MUC5B: variants seen among roughly 807,000 people sequenced by gnomAD.
MUC5B encodes mucin-5B.
Under a neutral mutation model 376.9 loss-of-function variants are expected in MUC5B, and 116 were observed. The ratio of observed to expected loss-of-function variants is 0.31; its 90% CI spans 0.26 to 0.36. The LOEUF (loss-of-function observed/expected upper bound fraction) is 0.36. MUC5B is among the 10% of genes least tolerant of loss of function. The pLI is 1.00. For synonymous variants in MUC5B, 3,517 were observed against 3,390.9 expected (o/e 1.04, Z -1.29); for missense variants, 7,165 against 7,769.9 (o/e 0.92, Z 2.93).
Position 1,245,918 on chromosome 11 carries a change from C to G in MUC5B, c.9038C>G (p.Ser3013Cys), listed in dbSNP as rs1862445197. The G allele has an allele frequency of 1.9e-6, 3 of 1,613,168 alleles. No homozygotes were observed. The highest frequency in any genetic ancestry group is 2.5e-6 in the Non-Finnish European group (3 of 1,179,726). Residue 3013 changes from serine (S) to cysteine (C), a missense_variant, in exon 31 of 49, where the codon TCC becomes TGC. Around this residue, in one of 31 missense-constraint regions of MUC5B, gnomAD observed 939 missense variants for 770.6 expected, o/e 1.22. Coordinates refer to ENST00000529681, the MANE Select transcript of MUC5B (RefSeq NM_002458.3). Reference sequence around the variant, plus strand: ...ACCACTGGATCCACGGCCATCCCGTCCTCCACCCCGGGAACAGCTCCCCCT... The same window carrying G: ...ACCACTGGATCCACGGCCATCCCGTGCTCCACCCCGGGAACAGCTCCCCCT... ...TATTGSTAIP[S>C]STPGTAPPPK...
chr11:1,239,787 T>C lies in MUC5B; in HGVS notation c.3584-12T>C. ...GCCCTGGTGAGTCTTCTGCTCACCC[T>C]GCCGGCCCTAGGCTGCTACCCGAAG... On this transcript the variant is annotated splice_polypyrimidine_tract_variant and intron_variant, in intron 27 of 48. Coordinates refer to ENST00000529681, the MANE Select transcript of MUC5B (RefSeq NM_002458.3). 1 of 1,606,328 alleles carries C rather than the reference T, an allele frequency of 6.2e-7. No homozygotes were observed. The highest frequency in any genetic ancestry group is 8.5e-7 in the Non-Finnish European group (1 of 1,176,938).
chr11:1,246,189 C>G lies in MUC5B; in HGVS notation c.9309C>G (p.Thr3103=), dbSNP rs753209386. The G allele has an allele frequency of 6.2e-7, 1 of 1,613,102 alleles. No individual in the cohort carries two copies. The part of the protein sequence containing the change: ...TIHPSSTPET[T]HTSTVLTTKA... ...ACCCCTCCTCCACTCCGGAGACCAC[C>G]CACACCTCCACAGTGCTGACCACGA... Residue 3103 remains threonine, a synonymous_variant, in exon 31 of 49, where the codon ACC becomes ACG. Transcript: ENST00000529681.
At position 1,240,383 on chromosome 11, in the gene MUC5B, C is replaced by T. The variant is rs1037515023; in HGVS notation, c.3970+8C>T. ...TCCCCCACTCCACGACAAGTAAGCCCTGCCTGGCTCTCCTGAGGCCCAGTA... is the reference window on the plus strand; with the variant it reads ...TCCCCCACTCCACGACAAGTAAGCCTTGCCTGGCTCTCCTGAGGCCCAGTA... On this transcript the variant is annotated splice_region_variant and intron_variant, in intron 30 of 48. Transcript: ENST00000529681. 9 of 1,584,672 alleles carry T rather than the reference C, an allele frequency of 5.7e-6. No individual in the cohort carries two copies. The highest frequency in any genetic ancestry group is 7.8e-6 in the Non-Finnish European group (9 of 1,161,242).
Position 1,250,469 on chromosome 11 carries a change from T to C in MUC5B, c.13589T>C (p.Leu4530Pro). 6.3e-7 allele frequency: 1 copy of C among 1,587,954 alleles called. No homozygotes were observed. Among genetic ancestry groups the C allele is most frequent in the Admixed American group, 1.7e-5 (1 of 59,232 alleles). Residue 4530 changes from leucine to proline, a missense_variant, in exon 31 of 49, where the codon CTG (leucine) becomes CCG (proline). This residue lies in a region of MUC5B where 431 missense variants were observed against 390.4 expected (regional missense o/e 1.10). Transcript: ENST00000529681. ...TTTACAGCCATCCCCTCCTCCTCCC[T>C]GGGCACCACCTGGACCCGCCTATCA... The part of the protein sequence containing the change: ...TSFTAIPSSS[L>P]GTTWTRLSQT...
At position 1,259,861 on chromosome 11, in the gene MUC5B, G is replaced by A; in HGVS notation, c.16800+19G>A. On this transcript the variant is annotated intron_variant, in intron 45 of 48. Coordinates refer to ENST00000529681, the MANE Select transcript of MUC5B (RefSeq NM_002458.3). ...AGTCCAGGTAACAGCAGAGGCATGTGGGGGCAGGTCTCAGCTCCCTCCCTG... is the reference window on the plus strand; with the variant it reads ...AGTCCAGGTAACAGCAGAGGCATGTAGGGGCAGGTCTCAGCTCCCTCCCTG... 6.2e-7 allele frequency: 1 copy of A among 1,612,364 alleles called. No individual in the cohort carries two copies. Among genetic ancestry groups the A allele is most frequent in the South Asian group, 1.1e-5 (1 of 91,070 alleles).
Position 1,259,739 on chromosome 11 carries a change from C to T in MUC5B, c.16714-17C>T. ...GGAGGAGAGGGTTAGGGCCTGACGC[C>T]CCTCATGTCCCCACAGGGCTTTGAG... On this transcript the variant is annotated splice_polypyrimidine_tract_variant and intron_variant, in intron 44 of 48. Transcript: ENST00000529681. 1.2e-6 allele frequency: 2 copies of T among 1,611,768 alleles called. No homozygotes were observed. Among genetic ancestry groups the T allele is most frequent in the South Asian group, 1.1e-5 (1 of 91,062 alleles).
rs202000397 is a variant in MUC5B at position 1,240,312 on chromosome 11, C to T, written c.3907C>T (p.Pro1303Ser). The change falls in exon 30 of 49, where the codon CCT (proline) becomes TCT (serine). Residue 1303 changes from proline (P) to serine (S), a missense_variant. Physicochemically the swap from Pro to Ser is moderately conservative, Grantham distance 74. Transcript: ENST00000529681. ...GTIIRKAVAC[P>S]GTPATTPFTF... ...CATCATCAGGAAGGCTGTGGCATGTCCTGGAACTCCAGCCACAACGCCATT... is the reference window on the plus strand; with the variant it reads ...CATCATCAGGAAGGCTGTGGCATGTTCTGGAACTCCAGCCACAACGCCATT... 2.1e-4 allele frequency: 342 copies of T among 1,612,830 alleles called. 1 individual carries two copies. The highest frequency in any genetic ancestry group is 2.7e-4 in the Non-Finnish European group (320 of 1,179,148).
chr11:1,239,494 T>C lies in MUC5B; in HGVS notation c.3511T>C (p.Cys1171Arg). The C allele has an allele frequency of 6.2e-7, 1 of 1,606,682 alleles. No individual in the cohort carries two copies. The highest frequency in any genetic ancestry group is 8.5e-7 in the Non-Finnish European group (1 of 1,175,076). The stretch of plus-strand genomic sequence containing the variant: ...GGGCTGTGAGTGGCACTACCAGCCC[T>C]GCGGGGCACCCTGCCTAAAAACCTG... ...HGGCEWHYQP[C>R]GAPCLKTCRN... Residue 1171 changes from cysteine (C) to arginine (R), a missense_variant, in exon 27 of 49, where the codon TGC (cysteine) becomes CGC (arginine). Transcript: ENST00000529681.
In MUC5B at chr11:1,261,661, T is replaced by C. The variant is rs1679009651; in HGVS notation, c.*53T>C. 2 of 1,516,694 alleles carry C rather than the reference T, an allele frequency of 1.3e-6. No homozygotes were observed. The highest frequency in any genetic ancestry group is 9.0e-7 in the Non-Finnish European group (1 of 1,117,168). 94.0% of individuals were successfully genotyped at this position (1,516,694 alleles called of 1,614,324 possible). A position where few individuals can be genotyped will look rare whatever the true frequency, so the allele number is the denominator to read the frequency against. On this transcript the variant is annotated 3_prime_UTR_variant, in exon 49 of 49. Coordinates refer to ENST00000529681, the MANE Select transcript of MUC5B (RefSeq NM_002458.3). ...TGTCCACCTGGAGCCAGGATGTGCA[T>C]TGTCTGATCATGAAAACCTTGGGCC...
In MUC5B at chr11:1,242,092, A is replaced by G; in HGVS notation, c.5212A>G (p.Lys1738Glu). 6.2e-7 allele frequency: 1 copy of G among 1,612,312 alleles called. No homozygotes were observed. The highest frequency in any genetic ancestry group is 8.5e-7 in the Non-Finnish European group (1 of 1,179,346). Reference protein sequence around the residue: ...RPTGTASTASKEPLTTSLAPT... With the variant: ...RPTGTASTASEEPLTTSLAPT... ...GACAGGCACAGCCAGCACCGCTTCC[A>G]AAGAGCCGCTGACCACGAGCCTGGC... Residue 1738 changes from lysine to glutamate, a missense_variant, in exon 31 of 49, where the codon AAA becomes GAA. This residue lies in a region of MUC5B where 897 missense variants were observed against 779.6 expected (regional missense o/e 1.15). Coordinates refer to ENST00000529681, the MANE Select transcript of MUC5B (RefSeq NM_002458.3).
In MUC5B at chr11:1,258,662, C is replaced by T. The variant is rs1338213466; in HGVS notation, c.16594-280C>T. Among the ~76,000 whole-genome samples the T allele has an allele frequency of 6.6e-6, 1 of 152,064 alleles. No individual in the cohort carries two copies. Among genetic ancestry groups the T allele is most frequent in the African/African-American group, 2.4e-5 (1 of 41,390 alleles). On this transcript the variant is annotated intron_variant, in intron 43 of 48. Coordinates refer to ENST00000529681, the MANE Select transcript of MUC5B (RefSeq NM_002458.3). The surrounding 1 kb of genome is among the most constrained non-coding windows in gnomAD (Gnocchi z 5.5). ...CCCCGCCTGCCCGCCCAGATTCCTA[C>T]CCGCCCGGATTCCTGCCTGCCAGAT...
Position 1,240,170 on chromosome 11 carries a change from A to T in MUC5B, c.3773-8A>T. On this transcript the variant is annotated splice_region_variant and splice_polypyrimidine_tract_variant and intron_variant, in intron 29 of 48. Coordinates refer to ENST00000529681, the MANE Select transcript of MUC5B (RefSeq NM_002458.3). Reference sequence around the variant, plus strand: ...GGCCCTGGGTGACTCTGCCGGCTCCATCCCCAGCCTGCACCTGCACCTATG... The same window carrying T: ...GGCCCTGGGTGACTCTGCCGGCTCCTTCCCCAGCCTGCACCTGCACCTATG... 1 of 1,589,474 alleles carries T rather than the reference A, an allele frequency of 6.3e-7. No homozygotes were observed. Among genetic ancestry groups the T allele is most frequent in the Non-Finnish European group, 8.6e-7 (1 of 1,163,138 alleles).
rs1862954011 is a variant in MUC5B at position 1,259,955 on chromosome 11, C to T, written c.16801-8C>T. ...TACTCAGCTTCCACACTCACCCTTGCATTTCAGCTGAATGAAACCTGGGTC... is the reference window on the plus strand; with the variant it reads ...TACTCAGCTTCCACACTCACCCTTGTATTTCAGCTGAATGAAACCTGGGTC... On this transcript the variant is annotated splice_region_variant and splice_polypyrimidine_tract_variant and intron_variant, in intron 45 of 48. Coordinates refer to ENST00000529681, the MANE Select transcript of MUC5B (RefSeq NM_002458.3). 6.2e-7 allele frequency: 1 copy of T among 1,612,904 alleles called. No homozygotes were observed. Among genetic ancestry groups the T allele is most frequent in the South Asian group, 1.1e-5 (1 of 91,094 alleles).
Position 1,244,871 on chromosome 11 carries a change from C to A in MUC5B, c.7991C>A (p.Thr2664Asn). The A allele has an allele frequency of 6.2e-7, 1 of 1,613,288 alleles. No homozygotes were observed. Among genetic ancestry groups the A allele is most frequent in the Non-Finnish European group, 8.5e-7 (1 of 1,179,668 alleles). The change falls in exon 31 of 49, where the codon ACC becomes AAC. Residue 2664 changes from threonine (T) to asparagine (N), a missense_variant. Coordinates refer to ENST00000529681, the MANE Select transcript of MUC5B (RefSeq NM_002458.3). ...ACCCACACCCCCACAGTGCTGACCA[C>A]CACCACCACAACTGTGGCCACTGGT... ...GTTHTPTVLTTTTTTVATGSM... is the reference protein window; with the variant it reads ...GTTHTPTVLTNTTTTVATGSM...
At chr11:1,231,786 G>T (rs546834619) in intron 14 of MUC5B, among the ~76,000 whole-genome samples, 4 of 152,258 alleles carry the variant, frequency 2.6e-5, no homozygotes, top group Non-Finnish European at 5.9e-5. Flanking sequence ...CCTGGCTCAG[G>T]CCGACTTTGC....
chr11:1,239,710 G>A, intron 27 of MUC5B, 89 bp from the exon 28 acceptor site: 1 of 1,494,232 alleles, frequency 6.7e-7, no homozygotes, highest in Non-Finnish European at 8.9e-7. Context: ...GCTGGCTGGT[G>A]GGGGGCGGCT....
At position 1,249,132 on chromosome 11, in the gene MUC5B, GA is replaced by G; in HGVS notation, c.12253del (p.Thr4085ProfsTer36). On this transcript the variant is annotated frameshift_variant, in exon 31 of 49. Coordinates refer to ENST00000529681, the MANE Select transcript of MUC5B (RefSeq NM_002458.3). LOFTEE classifies it high-confidence loss of function. ...CCGAGTCACCCCCTTCCCCAGGGAC[GA>G]CCACCCCGGGCCACACCACGGCCAC... Reference protein sequence around the residue: ...TTESPPSPGTTTPGHTTATSR... With the variant: ...TTESPPSPGTXTPGHTTATSR... 1 of 1,609,830 alleles carries G rather than the reference GA, an allele frequency of 6.2e-7. No homozygotes were observed. The highest frequency in any genetic ancestry group is 8.5e-7 in the Non-Finnish European group (1 of 1,179,318).
chr11:1,250,824 C>T lies in MUC5B; in HGVS notation c.13944C>T (p.Thr4648=), dbSNP rs11827719. ...CCTCCATCCCGGGGACCACCCACAC[C>T]GCCAGAGTGCTGACCACCACCACCA... is the stretch of plus-strand genomic sequence containing the variant. ...TPSSIPGTTH[T]ARVLTTTTTT... is the part of the protein sequence containing the mutation. The change falls in exon 31 of 49, where the codon ACC becomes ACT. Residue 4648 remains threonine, a synonymous_variant. Transcript: ENST00000529681. 7,744 of 1,613,126 alleles carry T rather than the reference C, an allele frequency of 4.8e-3. 295 individuals are homozygous for T. The African/African-American group carries it at 0.089, about 19-fold the overall frequency.
Position 1,255,376 on chromosome 11 carries a change from C to G in MUC5B, c.15891-7C>G. 1 of 1,586,386 alleles carries G rather than the reference C, an allele frequency of 6.3e-7. No individual in the cohort carries two copies. Among genetic ancestry groups the G allele is most frequent in the Non-Finnish European group, 8.6e-7 (1 of 1,163,252 alleles). On this transcript the variant is annotated splice_polypyrimidine_tract_variant and splice_region_variant and intron_variant, in intron 36 of 48. Coordinates refer to ENST00000529681, the MANE Select transcript of MUC5B (RefSeq NM_002458.3). ...GGGCCCTCCGTCCTGATCGCTTTGC[C>G]CCACAGGGTCTTTGCTGAGTGCCAC...
Sources: allele counts gnomAD v4.1 joint callset (sites outside exome capture counted in the v4.1 genomes callset), GRCh38; gene constraint gnomAD v4.1.1; regional missense constraint gnomAD v4.1.1; non-coding constraint Gnocchi (gnomAD v3.1); transcripts MANE v1.5; gene names NCBI Gene and HGNC (gene_info 2026-07-23, HGNC 2026-07-21).